The following SDK1 variants were observed in gnomAD, a reference collection of about 807,000 sequenced individuals.
The protein encoded by SDK1 is protein sidekick-1.
A neutral mutation model predicts 245.5 loss-of-function variants in SDK1; 157 were observed. That is an observed-to-expected ratio of 0.64 (90% CI 0.56 to 0.73). The LOEUF is 0.73. SDK1 is among the 30% of genes least tolerant of loss of function. SDK1 has a pLI of 0.00. For missense variants in SDK1, 3,583 were observed against 3,002.3 expected (o/e 1.19, Z -4.52); for synonymous variants, 1,647 against 1,278.5 (o/e 1.29, Z -6.15).
Position 3,704,961 on chromosome 7 carries a change from A to G in SDK1, c.713+62856A>G, listed in dbSNP as rs114626277. Among the ~76,000 whole-genome samples the G allele has an allele frequency of 3.2e-3, 483 of 151,944 alleles. 4 individuals carry two copies. The highest frequency in any genetic ancestry group is 0.011 in the African/African-American group (456 of 41,470). On this transcript the variant is annotated intron_variant, in intron 4 of 44. Transcript: ENST00000404826. Reference sequence around the variant, plus strand: ...AAATAGAGTATGCTTTCCCCAATTTATGTTTTTGCGTGCTTTGTCAAAGAT... The same window carrying G: ...AAATAGAGTATGCTTTCCCCAATTTGTGTTTTTGCGTGCTTTGTCAAAGAT...
At chr7:3,341,372 C>G (rs930075927) in intron 1 of SDK1, among the ~76,000 whole-genome samples, 1 of 152,122 alleles carries the variant, frequency 6.6e-6, no homozygotes, top group African/African-American at 2.4e-5. Context: ...GAGCATCTAA[C>G]AAAAGCCTTC....
chr7:4,116,996 A>G (rs1345174626), intron 25 of SDK1, among the ~76,000 whole-genome samples: 1 of 152,230 alleles, frequency 6.6e-6, no homozygotes, highest in Non-Finnish European at 1.5e-5. Flanking sequence ...GGTCACGTGG[A>G]TTTCAAAAAT....
At chr7:3,832,030 A>G (rs1208888913) in intron 5 of SDK1, among the ~76,000 whole-genome samples, 1 of 152,180 alleles carries the variant, frequency 6.6e-6, no homozygotes, top group Non-Finnish European at 1.5e-5. Flanking sequence ...CAGCCTGGGC[A>G]ACACAGCAAG....
chr7:4,194,337 T>C (rs1354382345), intron 35 of SDK1, among the ~76,000 whole-genome samples: 1 of 125,160 alleles, frequency 8.0e-6, no homozygotes, highest in Non-Finnish European at 1.6e-5. Context: ...CGTATGTGTA[T>C]ACATGTATAG....
intron 1 of SDK1, among the ~76,000 whole-genome samples, chr7:3,562,153 A>C (rs1389365475): frequency 5.3e-5 from 8 of 152,204 alleles, no homozygotes; most frequent in Non-Finnish European, 1.5e-5. Flanking sequence ...GATGTTTCGG[A>C]AACTGCATAG....
At chr7:3,343,657 G>A (rs529981164) in intron 1 of SDK1, among the ~76,000 whole-genome samples, 2 of 152,222 alleles carry the variant, frequency 1.3e-5, no homozygotes, top group African/African-American at 2.4e-5. Context: ...TTGGTCAAGG[G>A]TGAATGGGAT....
At chr7:4,058,550 TG>T (rs1779338217) in intron 19 of SDK1, among the ~76,000 whole-genome samples, 1 of 152,170 alleles carries the variant, frequency 6.6e-6, no homozygotes, top group Admixed American at 6.5e-5. Flanking sequence ...CATGGCACAT[TG>T]TAGTCAAATT....
chr7:4,039,629 A>C (rs916073648), intron 17 of SDK1, among the ~76,000 whole-genome samples: 12 of 152,248 alleles, frequency 7.9e-5, no homozygotes, highest in African/African-American at 2.7e-4. Context: ...AATGTCAGTG[A>C]TGTCATCTCT....
Position 3,642,011 on chromosome 7 carries a change from G to T in SDK1, c.619G>T (p.Ala207Ser), listed in dbSNP as rs1000893822. 6.2e-7 allele frequency: 1 copy of T among 1,614,018 alleles called. No homozygotes were observed. Among genetic ancestry groups the T allele is most frequent in the Non-Finnish European group, 8.5e-7 (1 of 1,179,884 alleles). ...DQRKTVSQGR[A>S]AILNLLPITS... ...GAGGAAAACAGTTTCTCAAGGACGT[G>T]CAGCGATTCTAAACCTGCTGCCCAT... The change falls in exon 4 of 45, where the codon GCA (alanine) becomes TCA (serine). Residue 207 changes from alanine to serine, a missense_variant. Transcript: ENST00000404826.
At chr7:3,702,669 T>A (rs1298112088) in intron 4 of SDK1, among the ~76,000 whole-genome samples, 1 of 152,226 alleles carries the variant, frequency 6.6e-6, no homozygotes, top group Non-Finnish European at 1.5e-5. Context: ...CCGAGAAACC[T>A]GGCCTTGGCT....
intron 4 of SDK1, among the ~76,000 whole-genome samples, chr7:3,786,405 C>G (rs984359279): frequency 7.2e-5 from 11 of 152,204 alleles, no homozygotes; most frequent in African/African-American, 2.7e-4. Context: ...CTTTTCTCCT[C>G]TTTCTCACTT....
intron 32 of SDK1, among the ~76,000 whole-genome samples, chr7:4,170,780 T>C (rs2128216186): frequency 6.6e-6 from 1 of 152,210 alleles, no homozygotes; most frequent in East Asian, 1.9e-4. Context: ...CTGTCTGACA[T>C]GCCCAGCCCT....
intron 1 of SDK1, among the ~76,000 whole-genome samples, chr7:3,452,710 C>T (rs953649961): frequency 6.6e-6 from 1 of 152,158 alleles, no homozygotes; most frequent in Non-Finnish European, 1.5e-5. Context: ...AGGAAATATA[C>T]ATAGTCATTG....
At chr7:3,751,729 T>G (rs1779778267) in intron 4 of SDK1, among the ~76,000 whole-genome samples, 1 of 152,152 alleles carries the variant, frequency 6.6e-6, no homozygotes, top group Non-Finnish European at 1.5e-5. Context: ...GGGGTTCCAG[T>G]CAAGGAGGCT....
intron 1 of SDK1, among the ~76,000 whole-genome samples, chr7:3,450,316 A>C (rs1283744648): frequency 6.6e-6 from 1 of 152,212 alleles, no homozygotes; most frequent in Non-Finnish European, 1.5e-5. Flanking sequence ...TGGTCTCTTC[A>C]CTGCTGTTTA....
intron 19 of SDK1, among the ~76,000 whole-genome samples, chr7:4,057,841 T>A (rs1057467361): frequency 1.3e-5 from 2 of 152,222 alleles, no homozygotes; most frequent in Non-Finnish European, 2.9e-5. Context: ...CACTACTGCT[T>A]CATCCAGAAT....
intron 5 of SDK1, among the ~76,000 whole-genome samples, chr7:3,876,644 C>G (rs907665224): frequency 6.6e-6 from 1 of 152,054 alleles, no homozygotes; most frequent in African/African-American, 2.4e-5. Flanking sequence ...ATTTCAAAAC[C>G]TAAAATACAA....
intron 40 of SDK1, among the ~76,000 whole-genome samples, chr7:4,225,530 C>G (rs1012288728): frequency 6.6e-6 from 1 of 152,120 alleles, no homozygotes; most frequent in Non-Finnish European, 1.5e-5. Context: ...TCAGGCTTGC[C>G]GAGAGAGCCC....
At chr7:3,634,822 C>G (rs527569777) in intron 2 of SDK1, among the ~76,000 whole-genome samples, 1 of 152,278 alleles carries the variant, frequency 6.6e-6, no homozygotes, top group African/African-American at 2.4e-5. Flanking sequence ...AATTTTGTCT[C>G]TATTTCTGCT....
Sources: allele counts gnomAD v4.1 joint callset (sites outside exome capture counted in the v4.1 genomes callset), GRCh38; gene constraint gnomAD v4.1.1; transcripts MANE v1.5; gene names NCBI Gene and HGNC (gene_info 2026-07-23, HGNC 2026-07-21).